STPG2: variants seen among roughly 807,000 people sequenced by gnomAD.
The protein encoded by STPG2 is sperm-tail PG-rich repeat-containing protein 2.
STPG2 carries 56 observed loss-of-function variants against 54.2 expected under a neutral mutation model. The ratio of observed to expected loss-of-function variants is 1.03; its 90% CI spans 0.83 to 1.29. The LOEUF (loss-of-function observed/expected upper bound fraction) is 1.29. STPG2 is among the 50% of genes most tolerant of loss of function. The probability of loss-of-function intolerance (pLI) is 0.00; values close to 1 mark genes in which losing one functional copy is unlikely to be tolerated. For synonymous variants in STPG2, 200 were observed against 181.8 expected, an observed-to-expected ratio of 1.10 and a Z score of -0.81; for missense variants, 596 against 544.9, an observed-to-expected ratio of 1.09 and a Z score of -0.93.
chr4:97,971,098 A>G (rs945260754), intron 7 of STPG2, among the ~76,000 whole-genome samples: 8 of 152,344 alleles, frequency 5.3e-5, no homozygotes, highest in Admixed American at 1.3e-4. Flanking sequence ...TCAAAACACA[A>G]TGAGATACCA....
At chr4:97,929,214 T>C (rs890491494) in intron 8 of STPG2, among the ~76,000 whole-genome samples, 4 of 152,242 alleles carry the variant, frequency 2.6e-5, no homozygotes, top group Admixed American at 1.3e-4. Context: ...GATCTCATTT[T>C]TTTATGGGTG....
chr4:97,591,165 T>A (rs949490883), intron 10 of STPG2, among the ~76,000 whole-genome samples: 5 of 152,096 alleles, frequency 3.3e-5, no homozygotes, highest in Non-Finnish European at 7.4e-5. Context: ...AACTAACAAA[T>A]AACTGTATGA....
intron 9 of STPG2, among the ~76,000 whole-genome samples, chr4:97,808,615 A>G (rs1322848351): frequency 3.3e-5 from 5 of 151,556 alleles, no homozygotes; most frequent in Non-Finnish European, 7.4e-5. Context: ...AAACCCAACT[A>G]TAACACTTAA....
At chr4:97,907,423 G>C (rs1021972456) in intron 8 of STPG2, among the ~76,000 whole-genome samples, 47 of 152,192 alleles carry the variant, frequency 3.1e-4, no homozygotes, top group Non-Finnish European at 5.9e-4. Flanking sequence ...AATCAATATT[G>C]TGAAAATGGC....
chr4:97,692,298 G>GAAAAAAAA, intron 10 of STPG2, among the ~76,000 whole-genome samples: 1 of 90,590 alleles, frequency 1.1e-5, no homozygotes. Flanking sequence ...TACAGGATAT[G>GAAAAAAAA]AAAAAAAAAA....
intron 3 of STPG2, among the ~76,000 whole-genome samples, chr4:98,125,953 A>C (rs1424145336): frequency 6.6e-6 from 1 of 152,178 alleles, no homozygotes; most frequent in African/African-American, 2.4e-5. Context: ...ATAGTCTGCC[A>C]CACCCACTGT....
chr4:97,889,109 G>A (rs1028095752), intron 8 of STPG2, among the ~76,000 whole-genome samples: 3 of 152,098 alleles, frequency 2.0e-5, no homozygotes, highest in African/African-American at 7.2e-5. Context: ...CCAGTGTCAG[G>A]TATTTCTTTA....
At chr4:97,538,175 T>C (rs574299189) in intron 4 of STPG2, among the ~76,000 whole-genome samples, 1 of 152,264 alleles carries the variant, frequency 6.6e-6, no homozygotes, top group African/African-American at 2.4e-5. Flanking sequence ...TCACCAGCAA[T>C]GGAACAAAGC....
chr4:97,934,083 CCT>C (rs1732655128), intron 8 of STPG2, among the ~76,000 whole-genome samples: 1 of 152,012 alleles, frequency 6.6e-6, no homozygotes, highest in Non-Finnish European at 1.5e-5. Flanking sequence ...CTTCACATTC[CCT>C]GTTAGCTGTA....
intron 4 of STPG2, among the ~76,000 whole-genome samples, chr4:97,507,830 C>CT (rs1336193256): frequency 2.0e-5 from 3 of 152,030 alleles, no homozygotes; most frequent in Non-Finnish European, 4.4e-5. Context: ...GGCATGTTAC[C>CT]ATTGCCACAC....
rs72477988 is a variant in STPG2 at position 97,985,949 on chromosome 4, A to AAC, written c.613-4633_613-4632dup. 2.6e-3 allele frequency among the ~76,000 whole-genome samples: 377 copies of AAC among 144,488 alleles called. 1 individual carries two copies. The highest frequency in any genetic ancestry group is 3.2e-3 in the African/African-American group (128 of 40,318). 94.8% of individuals were successfully genotyped at this position (144,488 alleles called of 152,430 possible). On this transcript the variant is annotated intron_variant, in intron 5 of 10. Coordinates refer to ENST00000295268, the MANE Select transcript of STPG2 (RefSeq NM_174952.3). ...GCGCAAGCGCACGTGAGCGCACACA[A>AAC]ACACACACACACACACACACATACA...
At chr4:97,701,067 C>T (rs1723757080) in intron 10 of STPG2, among the ~76,000 whole-genome samples, 1 of 152,182 alleles carries the variant, frequency 6.6e-6, no homozygotes, top group African/African-American at 2.4e-5. Context: ...GATAGTGGCA[C>T]TAATCTCTGC....
At chr4:98,021,903 A>G (rs1380713870) in intron 5 of STPG2, among the ~76,000 whole-genome samples, 1 of 151,838 alleles carries the variant, frequency 6.6e-6, no homozygotes, top group Non-Finnish European at 1.5e-5. Flanking sequence ...TTCTGAGCCT[A>G]TGTGTGTCTC....
intron 10 of STPG2, among the ~76,000 whole-genome samples, chr4:97,604,020 T>C (rs994187207): frequency 2.0e-5 from 3 of 151,738 alleles, no homozygotes; most frequent in African/African-American, 7.2e-5. Context: ...TGAAAATTAA[T>C]CTTAAAATAT....
intron 10 of STPG2, among the ~76,000 whole-genome samples, chr4:97,565,466 A>T (rs1316482013): frequency 6.6e-6 from 1 of 152,002 alleles, no homozygotes; most frequent in Admixed American, 6.6e-5. Context: ...GCTTTGTTCC[A>T]TTGCTGGTGA....
At chr4:97,920,977 C>T (rs1329040928) in intron 8 of STPG2, among the ~76,000 whole-genome samples, 1 of 152,140 alleles carries the variant, frequency 6.6e-6, no homozygotes, top group Admixed American at 6.5e-5. Flanking sequence ...AACAACTGTC[C>T]ACAAGCAAAA....
chr4:98,015,853 T>A (rs9992257), intron 5 of STPG2, among the ~76,000 whole-genome samples: 59,051 of 151,684 alleles, frequency 0.39, 11,728 homozygotes, highest in Middle Eastern at 0.46. Context: ...GTGGCACATA[T>A]ACACCATGGA....
At chr4:97,624,867 T>C (rs1162501853) in intron 10 of STPG2, among the ~76,000 whole-genome samples, 1 of 152,218 alleles carries the variant, frequency 6.6e-6, no homozygotes, top group African/African-American at 2.4e-5. Flanking sequence ...GCACCGTTTA[T>C]TAAATAGGGA....
chr4:97,943,187 T>C (rs1733057427), intron 8 of STPG2, among the ~76,000 whole-genome samples: 2 of 152,102 alleles, frequency 1.3e-5, no homozygotes, highest in Admixed American at 6.6e-5. Context: ...TTATGAGGTC[T>C]CCACCCTCAT....
Sources: allele counts gnomAD v4.1 joint callset (sites outside exome capture counted in the v4.1 genomes callset), GRCh38; gene constraint gnomAD v4.1.1; transcripts MANE v1.5; gene names NCBI Gene and HGNC (gene_info 2026-07-23, HGNC 2026-07-21).